LNX1: variants seen among roughly 807,000 people sequenced by gnomAD.
LNX1 encodes the protein E3 ubiquitin-protein ligase LNX.
LNX1 carries 54 observed loss-of-function variants against 68.4 expected under a neutral mutation model. That is an observed-to-expected ratio of 0.79 (90% confidence interval 0.63 to 0.99). The LOEUF (loss-of-function observed/expected upper bound fraction) is 0.99. LNX1 is among the 50% of genes least tolerant of loss of function. LNX1 has a pLI of 0.00. For missense variants in LNX1, 906 were observed against 926.4 expected (o/e 0.98, Z 0.29); for synonymous variants, 336 against 350.0 (o/e 0.96, Z 0.45).
At chr4:53,500,661 T>C (rs1303825283) in intron 4 of LNX1, among the ~76,000 whole-genome samples, 1 of 152,208 alleles carries the variant, frequency 6.6e-6, no homozygotes, top group Non-Finnish European at 1.5e-5. Context: ...TAAATGTGGG[T>C]CCTTAATCTC....
chr4:53,503,146 T>C (rs1183241527), intron 4 of LNX1, among the ~76,000 whole-genome samples: 1 of 152,194 alleles, frequency 6.6e-6, no homozygotes, highest in Non-Finnish European at 1.5e-5. Context: ...CACTGAAGTC[T>C]TGAACCCCTC....
rs1414173338 is a variant in LNX1, at chr4:53,481,828, G to A, written c.1377C>T (p.Val459=). ...IQASERRVHL[V]VSRQVRQRSP... ...TCCGCTGCCGAACCTGGCGGGACACGACGAGGTGAACACGTCTTTCACTGG... is the reference window on the plus strand; with the variant it reads ...TCCGCTGCCGAACCTGGCGGGACACAACGAGGTGAACACGTCTTTCACTGG... Residue 459 remains valine (V), a synonymous_variant, in exon 7 of 11, where the codon GTC becomes GTT. Transcript: ENST00000263925. 5 of 1,610,598 alleles carry A rather than the reference G, an allele frequency of 3.1e-6. No individual in the cohort carries two copies. The highest frequency in any genetic ancestry group is 2.2e-5 in the East Asian group (1 of 44,682).
At chr4:53,574,700 C>A (rs915759889) in intron 1 of LNX1, among the ~76,000 whole-genome samples, 1 of 152,234 alleles carries the variant, frequency 6.6e-6, no homozygotes, top group South Asian at 2.1e-4. Context: ...AATCCCACCA[C>A]TATGGGCCAA....
At chr4:53,567,532 A>G (rs573669265) in intron 2 of LNX1, among the ~76,000 whole-genome samples, 1,774 of 152,350 alleles carry the variant, frequency 0.012, 31 homozygotes, top group African/African-American at 0.04. Flanking sequence ...AAGTGCCCAC[A>G]AGAGAAAGCA....
rs779451915 is a variant in LNX1 at position 53,460,908 on chromosome 4, T to C, written c.2186A>G (p.Ter729TrpextTer3). ...TIVSWPGTFL[*>W] ...TTTTCCTCTGACCCATCATTGATTC[T>C]ATAAAAAAGTGCCAGGCCAAGAAAC... is the stretch of plus-strand genomic sequence containing the variant. Residue 729 changes from the stop codon to tryptophan (W), a stop_lost, in exon 11 of 11, where the codon TAG becomes TGG. Transcript: ENST00000263925. The C allele has an allele frequency of 1.2e-6, 2 of 1,608,316 alleles. No homozygotes were observed. Among genetic ancestry groups the C allele is most frequent in the Non-Finnish European group, 1.7e-6 (2 of 1,177,956 alleles).
At chr4:53,580,377 A>G (rs893533214) in intron 1 of LNX1, among the ~76,000 whole-genome samples, 5 of 152,158 alleles carry the variant, frequency 3.3e-5, no homozygotes, top group African/African-American at 7.2e-5. Flanking sequence ...AAGCTCCCCA[A>G]TTTATCAGTG....
chr4:53,495,008 G>T (rs1334877787), intron 6 of LNX1, among the ~76,000 whole-genome samples: 1 of 152,202 alleles, frequency 6.6e-6, no homozygotes, highest in Non-Finnish European at 1.5e-5. Flanking sequence ...GTGGGGCGGG[G>T]AGGGAAATGG....
At chr4:53,541,852 A>G (rs964996267) in intron 2 of LNX1, among the ~76,000 whole-genome samples, 2 of 152,234 alleles carry the variant, frequency 1.3e-5, no homozygotes, top group African/African-American at 4.8e-5. Flanking sequence ...CTACTTTCAG[A>G]TAGCTTTGTA....
chr4:53,566,477 C>A (rs1730700442), intron 2 of LNX1, among the ~76,000 whole-genome samples: 1 of 151,192 alleles, frequency 6.6e-6, no homozygotes, highest in South Asian at 2.1e-4. Flanking sequence ...CAGGCCTGCC[C>A]TAAAAGAGCT....
chr4:53,477,696 AT>A (rs765777821), intron 8 of LNX1, among the ~76,000 whole-genome samples: 2 of 152,224 alleles, frequency 1.3e-5, no homozygotes, highest in African/African-American at 2.4e-5. Flanking sequence ...TCCATTTTCT[AT>A]TTTTTTATCT....
In LNX1 at chr4:53,573,728, A is replaced by T. The variant is rs371167938; in HGVS notation, c.275T>A (p.Ile92Asn). 1.8e-4 allele frequency: 285 copies of T among 1,611,294 alleles called. No homozygotes were observed. Among genetic ancestry groups the T allele is most frequent in the Non-Finnish European group, 2.3e-4 (277 of 1,178,890 alleles). The change falls in exon 2 of 11, where the codon ATC becomes AAC. Residue 92 changes from isoleucine (I) to asparagine (N), a missense_variant. Physicochemically the swap from Ile to Asn is moderately radical, Grantham distance 149. Transcript: ENST00000263925. ...LVLQHCKKSS[I>N]LVNKLLNKLL... ...CTTGTTGAGGAGTTTGTTGACCAGG[A>T]TGCTGGACTTCTTGCAGTGCTGCAG...
intron 2 of LNX1, among the ~76,000 whole-genome samples, chr4:53,529,498 A>C (rs1263840364): frequency 6.6e-6 from 1 of 152,224 alleles, no homozygotes; most frequent in East Asian, 1.9e-4. Context: ...CTTGGAAATG[A>C]GAACAAAAGT....
chr4:53,542,864 A>T (rs761498654), intron 2 of LNX1, among the ~76,000 whole-genome samples: 25 of 152,196 alleles, frequency 1.6e-4, no homozygotes, highest in Non-Finnish European at 3.5e-4. Flanking sequence ...TCAGGAATAA[A>T]TCAGGGGGAA....
chr4:53,558,410 G>T, intron 2 of LNX1: 1 of 372,252 alleles, frequency 2.7e-6, no homozygotes, highest in Non-Finnish European at 3.7e-6. Flanking sequence ...ATGAAAAGCT[G>T]CCCTCCAGTT....
At chr4:53,606,044 T>A (rs1733218779) in intron 2 of LNX1, among the ~76,000 whole-genome samples, 1 of 151,958 alleles carries the variant, frequency 6.6e-6, no homozygotes, top group South Asian at 2.1e-4. Context: ...AGGAACTAGA[T>A]AAACAAGAGC....
At chr4:53,587,624 G>A (rs182934373) in intron 1 of LNX1, among the ~76,000 whole-genome samples, 3 of 152,138 alleles carry the variant, frequency 2.0e-5, no homozygotes, top group South Asian at 2.1e-4. Context: ...ACGGCATTTC[G>A]AGTAGTCAAG....
At chr4:53,574,385 A>G (rs1478033548) in intron 1 of LNX1, among the ~76,000 whole-genome samples, 1 of 152,222 alleles carries the variant, frequency 6.6e-6, no homozygotes, top group African/African-American at 2.4e-5. Flanking sequence ...ACTCTAAAAA[A>G]TGTAATTTGT....
chr4:53,480,580 C>T (rs1311551461), intron 7 of LNX1, among the ~76,000 whole-genome samples: 4 of 152,206 alleles, frequency 2.6e-5, no homozygotes, highest in Admixed American at 1.3e-4. Context: ...TCACGGAGTC[C>T]TTATCCATAA....
At chr4:53,483,765 C>T (rs1724105196) in intron 6 of LNX1, among the ~76,000 whole-genome samples, 1 of 152,310 alleles carries the variant, frequency 6.6e-6, no homozygotes, top group Non-Finnish European at 1.5e-5. Context: ...TCTTCCTATA[C>T]AGGGATGGTT....
Sources: gnomAD v4.1 joint callset for allele counts (sites outside exome capture counted in the v4.1 genomes callset) on GRCh38, gnomAD v4.1.1 for gene constraint, MANE v1.5 for transcripts, NCBI Gene and HGNC (gene_info 2026-07-23, HGNC 2026-07-21) for gene names.